ATP2B2: variants seen among roughly 807,000 people sequenced by gnomAD.
The protein encoded by ATP2B2 is ATPase plasma membrane Ca2+ transporting 2, also known as plasma membrane calcium-transporting ATPase 2.
A neutral mutation model predicts 120.0 loss-of-function variants in ATP2B2; 15 were observed. The ratio of observed to expected loss-of-function variants is 0.12; its 90% CI spans 0.08 to 0.19. ATP2B2 has a LOEUF of 0.19. ATP2B2 is among the 10% of genes least tolerant of loss of function. The pLI, the probability that ATP2B2 is intolerant of heterozygous loss-of-function variation, is 1.00. For missense variants in ATP2B2, 1,045 were observed against 1,719.8 expected (o/e 0.61, Z 6.94); for synonymous variants, 694 against 700.3 (o/e 0.99, Z 0.14).
chr3:10,345,991 C>A (rs758904016), intron 17 of ATP2B2, 40 bp downstream of exon 17: 1 of 1,572,690 alleles, frequency 6.4e-7, no homozygotes, highest in Non-Finnish European at 8.6e-7. Flanking sequence ...CCAATCTCCC[C>A]AGCCCCCACC....
chr3:10,450,148 A>C (rs899776748), intron 1 of ATP2B2, among the ~76,000 whole-genome samples: 8 of 152,074 alleles, frequency 5.3e-5, no homozygotes, highest in Non-Finnish European at 8.8e-5. Flanking sequence ...CTGTGTGTAC[A>C]CACATCCCCC....
chr3:10,705,429 T>C (rs2071881442), intron 1 of ATP2B2, among the ~76,000 whole-genome samples: 1 of 152,232 alleles, frequency 6.6e-6, no homozygotes, highest in Non-Finnish European at 1.5e-5. Context: ...AACTCATGTT[T>C]CAAGGTCCAG....
intron 5 of ATP2B2, among the ~76,000 whole-genome samples, chr3:10,395,758 G>A (rs993077555): frequency 2.6e-5 from 4 of 152,206 alleles, no homozygotes; most frequent in African/African-American, 9.7e-5. Flanking sequence ...AACATTGAGA[G>A]CTGGTACAGG....
chr3:10,492,789 T>A (rs2065983554), intron 1 of ATP2B2, among the ~76,000 whole-genome samples: 1 of 152,176 alleles, frequency 6.6e-6, no homozygotes, highest in South Asian at 2.1e-4. Flanking sequence ...GTCTTGCAGA[T>A]ACCGGGTCAA....
intron 1 of ATP2B2, among the ~76,000 whole-genome samples, chr3:10,479,943 A>T (rs565176270): frequency 4.1e-4 from 62 of 152,248 alleles, no homozygotes; most frequent in Non-Finnish European, 7.5e-4. Flanking sequence ...AAAATTACAA[A>T]AATTAGCCAG....
chr3:10,657,009 T>G (rs2070648914), intron 1 of ATP2B2, among the ~76,000 whole-genome samples: 2 of 151,170 alleles, frequency 1.3e-5, no homozygotes, highest in East Asian at 1.9e-4. Context: ...GGGGTTTGGG[T>G]TTTTTTTTCC....
intron 1 of ATP2B2, among the ~76,000 whole-genome samples, chr3:10,504,586 C>T (rs1305420123): frequency 6.6e-6 from 1 of 151,152 alleles, no homozygotes; most frequent in African/African-American, 2.4e-5. Context: ...CAACCCCCAA[C>T]CTGGGTGAGC....
At chr3:10,452,111 G>C (rs2064077477) in intron 1 of ATP2B2, among the ~76,000 whole-genome samples, 1 of 152,252 alleles carries the variant, frequency 6.6e-6, no homozygotes, top group South Asian at 2.1e-4. Context: ...CCATTTTATA[G>C]ACCAAGCGAA....
At chr3:10,486,101 C>T (rs186234788) in intron 1 of ATP2B2, among the ~76,000 whole-genome samples, 8 of 152,288 alleles carry the variant, frequency 5.3e-5, no homozygotes, top group East Asian at 1.9e-4. Context: ...ATGCTTCCAT[C>T]GCACTCATAC....
intron 3 of ATP2B2, among the ~76,000 whole-genome samples, chr3:10,519,753 T>C (rs1213646480): frequency 1.3e-5 from 2 of 152,258 alleles, no homozygotes; most frequent in African/African-American, 4.8e-5. Flanking sequence ...GTTTACTGTA[T>C]GTGTGGCACT....
intron 2 of ATP2B2, among the ~76,000 whole-genome samples, chr3:10,606,880 AACACACACACAC>A (rs147614282): frequency 1.0e-5 from 1 of 100,050 alleles, no homozygotes; most frequent in Non-Finnish European, 1.8e-5. Flanking sequence ...ACGGAGTCTA[AACACACACACAC>A]ACACACACAC....
intron 2 of ATP2B2, among the ~76,000 whole-genome samples, chr3:10,550,703 C>A (rs995130292): frequency 1.3e-5 from 2 of 152,164 alleles, no homozygotes; most frequent in Admixed American, 1.3e-4. Flanking sequence ...GCCTGGGCAC[C>A]AGCTTCACAC....
chr3:10,631,746 A>G lies in ATP2B2; in HGVS notation c.-459-11785T>C, dbSNP rs552471973. The stretch of plus-strand genomic sequence containing the variant: ...TAGAAAGGAGGCCAGCGTCCCCTAC[A>G]TGCTAAGAAAGAAAGATCAGAAATG... On this transcript the variant is annotated intron_variant, in intron 1 of 21. Coordinates refer to the ATP2B2 transcript ENST00000646379. Among the ~76,000 whole-genome samples, 9 of 152,352 alleles carry G rather than the reference A, an allele frequency of 5.9e-5. No homozygotes were observed. The East Asian group carries it at 1.3e-3, about 23-fold the overall frequency.
At chr3:10,408,920 G>A (rs1053683654) in intron 3 of ATP2B2, among the ~76,000 whole-genome samples, 1 of 152,178 alleles carries the variant, frequency 6.6e-6, no homozygotes, top group African/African-American at 2.4e-5. Flanking sequence ...GAGCCAGAAT[G>A]CTTTGGTCTG....
chr3:10,631,111 T>C (rs1320111002), intron 1 of ATP2B2, among the ~76,000 whole-genome samples: 1 of 152,228 alleles, frequency 6.6e-6, no homozygotes, highest in African/African-American at 2.4e-5. Flanking sequence ...GTGTTTCAAT[T>C]TCTTTATCTG....
At chr3:10,468,572 T>A (rs1367828079) in intron 1 of ATP2B2, among the ~76,000 whole-genome samples, 2 of 152,220 alleles carry the variant, frequency 1.3e-5, no homozygotes, top group Admixed American at 6.5e-5. Flanking sequence ...AGGGAGTTCA[T>A]CATAGTGCAG....
At chr3:10,482,069 C>T (rs1191619876) in intron 1 of ATP2B2, among the ~76,000 whole-genome samples, 2 of 152,120 alleles carry the variant, frequency 1.3e-5, no homozygotes, top group Admixed American at 6.5e-5. Flanking sequence ...ACACGTTAGT[C>T]CCCCTAGACT....
rs760284989 is a variant in ATP2B2, at chr3:10,410,843, TGGG to T, written c.200-31_200-29del. ...GTGGACAGAGAACAGAGAGGTTGGC[TGGG>T]GGCCTGGGAGAGATGCAGGCATGTT... On this transcript the variant is annotated intron_variant, in intron 2 of 22. Transcript: ENST00000360273. The T allele has an allele frequency of 1.2e-5, 20 of 1,609,632 alleles. No individual in the cohort carries two copies. The African/African-American group carries it at 1.3e-4, about 11-fold the overall frequency.
intron 16 of ATP2B2, among the ~76,000 whole-genome samples, chr3:10,348,610 G>A (rs557129276): frequency 6.6e-6 from 1 of 152,332 alleles, no homozygotes; most frequent in Non-Finnish European, 1.5e-5. Context: ...CCTTTGCAGA[G>A]CAGTTCCCTG....
Sources: allele counts gnomAD v4.1 joint callset (sites outside exome capture counted in the v4.1 genomes callset), GRCh38; gene constraint gnomAD v4.1.1; transcripts MANE v1.5; gene names NCBI Gene and HGNC (gene_info 2026-07-23, HGNC 2026-07-21).